PCDHGA4: variants seen among roughly 807,000 people sequenced by gnomAD.
PCDHGA4 encodes the protein protocadherin gamma-A4.
Under a neutral mutation model 54.6 loss-of-function variants are expected in PCDHGA4, and 38 were observed. The ratio of observed to expected loss-of-function variants is 0.70; its 90% CI spans 0.54 to 0.91. The LOEUF is 0.91. Ranked by LOEUF, PCDHGA4 falls within the 40% of genes least tolerant of loss-of-function variation. PCDHGA4 has a pLI of 0.00. For synonymous variants in PCDHGA4, 511 were observed against 512.9 expected (o/e 1.00, Z 0.05); for missense variants, 1,298 against 1,220.9 (o/e 1.06, Z -0.94).
chr5:141,461,667 G>C (rs1337688159), intron 1 of PCDHGA4, among the ~76,000 whole-genome samples: 4 of 151,994 alleles, frequency 2.6e-5, no homozygotes, highest in African/African-American at 9.7e-5. Context: ...TTTAAAGTTT[G>C]TTATTTTGTT....
chr5:141,408,082 G>A, intron 1 of PCDHGA4: 1 of 1,417,366 alleles, frequency 7.1e-7, no homozygotes, highest in Non-Finnish European at 9.3e-7. Context: ...TCCCAGCACA[G>A]CGGATTGCCA....
intron 1 of PCDHGA4, chr5:141,404,270 C>T (rs1359018673): frequency 5.0e-6 from 8 of 1,614,010 alleles, no homozygotes; most frequent in Non-Finnish European, 6.8e-6. Flanking sequence ...TCACATCACC[C>T]TGCAAGTGAC....
chr5:141,489,571 G>A lies in PCDHGA4; in HGVS notation c.2515-5236G>A, dbSNP rs1206848223. The A allele has an allele frequency of 1.9e-6, 3 of 1,613,884 alleles. No individual in the cohort carries two copies. The highest frequency in any genetic ancestry group is 2.2e-5 in the South Asian group (2 of 91,070). On this transcript the variant is annotated intron_variant, in intron 1 of 3. Transcript: ENST00000571252. The surrounding 1 kb of genome is among the most constrained non-coding windows in gnomAD (Gnocchi z 4.5). ...CCTGCTGCCAGTGCAGGTGGTGACT[G>A]AACACCCCCTGGAGCTAATCCGTGT...
chr5:141,444,902 G>A (rs1442325957), intron 1 of PCDHGA4, among the ~76,000 whole-genome samples: 1 of 152,160 alleles, frequency 6.6e-6, no homozygotes, highest in Non-Finnish European at 1.5e-5. Context: ...GGATGGCATT[G>A]CATCTATACC....
chr5:141,355,245 G>A lies in PCDHGA4; in HGVS notation c.138G>A (p.Gln46=). The change falls in exon 1 of 4, where the codon CAG becomes CAA. Residue 46 remains glutamine, a synonymous_variant. Transcript: ENST00000571252. ...GCCCAGACCACACCCGGCTGCTCCA[G>A]ATCTGCCTTCTCCTGGGGGTTCTGG... is the stretch of plus-strand genomic sequence containing the variant. ...PARPDHTRLL[Q]ICLLLGVLVE... The A allele has an allele frequency of 6.2e-7, 1 of 1,613,186 alleles. No individual in the cohort carries two copies. Among genetic ancestry groups the A allele is most frequent in the Non-Finnish European group, 8.5e-7 (1 of 1,179,780 alleles).
intron 1 of PCDHGA4, chr5:141,364,858 G>A (rs199575653): frequency 5.2e-5 from 84 of 1,613,888 alleles, no homozygotes; most frequent in Admixed American, 5.0e-4. Flanking sequence ...GCTCCAATCT[G>A]CACTTCTCTC....
At chr5:141,465,856 C>T (rs1442431032) in intron 1 of PCDHGA4, among the ~76,000 whole-genome samples, 1 of 152,184 alleles carries the variant, frequency 6.6e-6, no homozygotes, top group East Asian at 1.9e-4. Context: ...GGCCCAGTGG[C>T]TCATGCCTGT....
intron 1 of PCDHGA4, chr5:141,371,200 T>A (rs2149980452): frequency 6.2e-7 from 1 of 1,614,034 alleles, no homozygotes; most frequent in East Asian, 2.2e-5. Context: ...GCCATTGACA[T>A]GGATGAGGGC....
chr5:141,475,862 T>G, intron 1 of PCDHGA4: 1 of 492,756 alleles, frequency 2.0e-6, no homozygotes, highest in Non-Finnish European at 3.6e-6. Context: ...GCTAGCTCAT[T>G]CTTCGTGCAG....
In PCDHGA4 at chr5:141,422,942, G is replaced by T. The variant is rs199976232; in HGVS notation, c.2514+65321G>T. On this transcript the variant is annotated intron_variant, in intron 1 of 3. Transcript: ENST00000571252. Reference sequence around the variant, plus strand: ...CTGTACCCTGCCCTCCCCACAGACGGCTCCACTGGCGTGGAGCTGGCGCCC... The same window carrying T: ...CTGTACCCTGCCCTCCCCACAGACGTCTCCACTGGCGTGGAGCTGGCGCCC... The T allele has an allele frequency of 3.6e-4, 583 of 1,614,096 alleles. 1 individual carries two copies. Among genetic ancestry groups the T allele is most frequent in the South Asian group, 5.2e-4 (47 of 91,090 alleles).
chr5:141,385,209 C>G (rs375927473), intron 1 of PCDHGA4: 95 of 1,614,118 alleles, frequency 5.9e-5, no homozygotes, highest in Non-Finnish European at 7.8e-5. Context: ...ACCTGATCTT[C>G]CCCCAGCCCA....
intron 1 of PCDHGA4, chr5:141,388,375 G>A (rs2091339163): frequency 7.4e-6 from 12 of 1,613,962 alleles, no homozygotes; most frequent in Non-Finnish European, 1.0e-5. Flanking sequence ...GATATTGGTA[G>A]CAACACACTG....
intron 1 of PCDHGA4, chr5:141,418,522 C>A: frequency 6.2e-7 from 1 of 1,614,000 alleles, no homozygotes; most frequent in Non-Finnish European, 8.5e-7. Flanking sequence ...GGGACCCTCC[C>A]CGAAGCGGTA....
chr5:141,384,810 C>A (rs755407612), intron 1 of PCDHGA4: 3 of 1,613,422 alleles, frequency 1.9e-6, no homozygotes, highest in Middle Eastern at 1.7e-4. Flanking sequence ...ACAGAGATGC[C>A]CTCAAGCAGA....
Position 141,490,156 on chromosome 5 carries a change from G to T in PCDHGA4, c.2515-4651G>T. On this transcript the variant is annotated intron_variant, in intron 1 of 3. Coordinates refer to ENST00000571252, the MANE Select transcript of PCDHGA4 (RefSeq NM_018917.4). The surrounding 1 kb of genome is among the most constrained non-coding windows in gnomAD (Gnocchi z 5.4). ...TAGCAGTGGGGCAATCCATGTGTTG[G>T]GTCCCATAGACTTTGAGGAGTCACG... is the stretch of plus-strand genomic sequence containing the variant. 3.1e-6 allele frequency: 5 copies of T among 1,614,192 alleles called. No individual in the cohort carries two copies. Among genetic ancestry groups the T allele is most frequent in the Non-Finnish European group, 4.2e-6 (5 of 1,180,034 alleles).
Position 141,356,848 on chromosome 5 carries a change from C to G in PCDHGA4, c.1741C>G (p.Leu581Val). ...ACTCAGCAGCAATGTGTCACTGAGC[C>G]TCTTTGTGCTGGACCAGAACGACAA... Reference protein sequence around the residue: ...PPLSSNVSLSLFVLDQNDNVP... With the variant: ...PPLSSNVSLSVFVLDQNDNVP... The change falls in exon 1 of 4, where the codon CTC becomes GTC. Residue 581 changes from leucine (L) to valine (V), a missense_variant. Transcript: ENST00000571252. 1 of 1,614,198 alleles carries G rather than the reference C, an allele frequency of 6.2e-7. No individual in the cohort carries two copies. Among genetic ancestry groups the G allele is most frequent in the Non-Finnish European group, 8.5e-7 (1 of 1,180,026 alleles).
intron 1 of PCDHGA4, chr5:141,429,110 T>A (rs2097186231): frequency 6.6e-6 from 1 of 151,978 alleles, no homozygotes; most frequent in Non-Finnish European, 1.5e-5. Context: ...CGCCTCGGCC[T>A]CCCAAAGTGC....
chr5:141,385,288 T>G (rs1781084944), intron 1 of PCDHGA4: 1 of 1,613,250 alleles, frequency 6.2e-7, no homozygotes, highest in Admixed American at 1.7e-5. Context: ...ATCCGTAGAT[T>G]TTCAGGAATG....
At chr5:141,381,038 T>G (rs1422573690) in intron 1 of PCDHGA4, among the ~76,000 whole-genome samples, 1 of 152,262 alleles carries the variant, frequency 6.6e-6, no homozygotes, top group Non-Finnish European at 1.5e-5. Context: ...TTAAACAAAA[T>G]TTATCTACTT....
Sources: allele counts gnomAD v4.1 joint callset (sites outside exome capture counted in the v4.1 genomes callset), GRCh38; gene constraint gnomAD v4.1.1; non-coding constraint Gnocchi (gnomAD v3.1); transcripts MANE v1.5; gene names NCBI Gene and HGNC (gene_info 2026-07-23, HGNC 2026-07-21).